The following RORA variants were observed in gnomAD, a reference collection of about 807,000 sequenced individuals.
The protein encoded by RORA is nuclear receptor ROR-alpha.
Under a neutral mutation model 69.5 loss-of-function variants are expected in RORA, and 7 were observed. The ratio of observed to expected loss-of-function variants is 0.10; its 90% CI spans 0.06 to 0.19. The LOEUF (loss-of-function observed/expected upper bound fraction) is 0.19, where lower values mean the gene tolerates loss of function less well. Among genes scored for constraint, RORA ranks in the 10% least tolerant of loss-of-function variants. The probability of loss-of-function intolerance (pLI) is 1.00; values close to 1 mark genes in which losing one functional copy is unlikely to be tolerated. For missense variants in RORA, 457 were observed against 663.0 expected (o/e 0.69, Z 3.41); for synonymous variants, 261 against 240.8 (o/e 1.08, Z -0.78).
chr15:60,592,678 G>C (rs2068567722), intron 2 of RORA: 1 of 1,072,292 alleles, frequency 9.3e-7, no homozygotes, highest in African/African-American at 1.7e-5. Context: ...CCCCAGCGCC[G>C]CGCCCCGCCC....
At chr15:60,781,612 G>A (rs1035154913) in intron 1 of RORA, among the ~76,000 whole-genome samples, 2 of 151,652 alleles carry the variant, frequency 1.3e-5, no homozygotes, top group Admixed American at 6.6e-5. Flanking sequence ...TCAGTGAGCC[G>A]AGTGCAAGCT....
chr15:60,888,135 C>T (rs1177129083), intron 1 of RORA, among the ~76,000 whole-genome samples: 1 of 152,242 alleles, frequency 6.6e-6, no homozygotes, highest in Non-Finnish European at 1.5e-5. Context: ...TACCCGGCCA[C>T]GGATGCTGTC....
intron 1 of RORA, among the ~76,000 whole-genome samples, chr15:60,853,510 G>A (rs1211257839): frequency 1.3e-5 from 2 of 152,286 alleles, no homozygotes; most frequent in African/African-American, 2.4e-5. Context: ...AATTGGGTGC[G>A]TAACAAATGG....
chr15:60,692,517 G>A (rs1032569376), intron 1 of RORA, among the ~76,000 whole-genome samples: 10 of 152,200 alleles, frequency 6.6e-5, no homozygotes, highest in Admixed American at 5.2e-4. Flanking sequence ...GAGAATGTGA[G>A]AGCACTGGGC....
chr15:61,049,118 C>T (rs1047284312), intron 1 of RORA, among the ~76,000 whole-genome samples: 4 of 152,142 alleles, frequency 2.6e-5, no homozygotes, highest in African/African-American at 7.2e-5. Flanking sequence ...TCAGTGTTTT[C>T]GGAAACTGCG....
At chr15:60,699,667 A>G (rs1449409532) in intron 1 of RORA, among the ~76,000 whole-genome samples, 1 of 152,186 alleles carries the variant, frequency 6.6e-6, no homozygotes, top group East Asian at 1.9e-4. Flanking sequence ...TAAAATGGGG[A>G]TTCTAATAAG....
chr15:61,161,658 A>G (rs1347185740), intron 1 of RORA, among the ~76,000 whole-genome samples: 7 of 140,194 alleles, frequency 5.0e-5, no homozygotes, highest in Non-Finnish European at 8.8e-5. Context: ...TAGAATCTCA[A>G]AAAAAAAGTT....
intron 1 of RORA, among the ~76,000 whole-genome samples, chr15:60,858,508 T>A (rs1016120061): frequency 3.3e-5 from 5 of 151,720 alleles, no homozygotes; most frequent in African/African-American, 1.2e-4. Context: ...AGTGATGAGC[T>A]CAGGCGGGAG....
intron 1 of RORA, among the ~76,000 whole-genome samples, chr15:61,065,668 G>A (rs748046405): frequency 3.3e-5 from 5 of 152,196 alleles, no homozygotes; most frequent in South Asian, 4.1e-4. Flanking sequence ...TTAAGGTGCC[G>A]TTTGATCTTG....
chr15:60,651,795 C>G (rs915622417), intron 2 of RORA, among the ~76,000 whole-genome samples: 4 of 152,164 alleles, frequency 2.6e-5, no homozygotes, highest in African/African-American at 9.7e-5. Flanking sequence ...CTTTAGCCAC[C>G]TAAATCTGAG....
intron 1 of RORA, among the ~76,000 whole-genome samples, chr15:61,115,151 T>C (rs963669843): frequency 1.3e-5 from 2 of 152,160 alleles, no homozygotes; most frequent in South Asian, 2.1e-4. Flanking sequence ...GTCTTGGGTC[T>C]GGTCCAGTGA....
chr15:60,700,343 T>G (rs750255269), intron 1 of RORA, among the ~76,000 whole-genome samples: 1 of 152,192 alleles, frequency 6.6e-6, no homozygotes, highest in Admixed American at 6.5e-5. Context: ...GTAGTTGACC[T>G]TCGATCCTGT....
chr15:61,078,150 G>C (rs973537011), intron 1 of RORA, among the ~76,000 whole-genome samples: 3 of 152,120 alleles, frequency 2.0e-5, no homozygotes, highest in Non-Finnish European at 4.4e-5. Flanking sequence ...CCACACTAAA[G>C]GCTTTATTTT....
At chr15:60,995,592 C>T (rs867620303) in intron 1 of RORA, among the ~76,000 whole-genome samples, 4 of 152,190 alleles carry the variant, frequency 2.6e-5, no homozygotes, top group Non-Finnish European at 5.9e-5. Flanking sequence ...TGTCCCCAGA[C>T]GTTTGAGCAC....
At chr15:60,927,202 T>A (rs551175136) in intron 1 of RORA, among the ~76,000 whole-genome samples, 25 of 152,234 alleles carry the variant, frequency 1.6e-4, no homozygotes, top group African/African-American at 6.0e-4. Context: ...TGTGGACCAG[T>A]TCCCTACTAG....
rs1255997958 is a variant in RORA, at chr15:60,497,630, A to C, written c.1408-11T>G. On this transcript the variant is annotated splice_polypyrimidine_tract_variant and intron_variant, in intron 10 of 10. Transcript: ENST00000335670. ...CACCTTGCATATTAACTGTAAGTGA[A>C]AGAAAGGACACACCGTCAGGCAAGA... is the stretch of plus-strand genomic sequence containing the variant. The C allele has an allele frequency of 6.2e-7, 1 of 1,605,728 alleles. No individual in the cohort carries two copies. The highest frequency in any genetic ancestry group is 2.2e-5 in the East Asian group (1 of 44,834).
intron 1 of RORA, among the ~76,000 whole-genome samples, chr15:61,034,158 G>T (rs1896331363): frequency 6.6e-6 from 1 of 152,124 alleles, no homozygotes; most frequent in Admixed American, 6.6e-5. Flanking sequence ...TCATACACAG[G>T]CTCTTTTTGT....
rs79657853 is a variant in RORA, at chr15:61,210,032, G to A, written c.166+19021C>T. On this transcript the variant is annotated intron_variant, in intron 1 of 10. Coordinates refer to ENST00000335670, the MANE Select transcript of RORA (RefSeq NM_134261.3). ...TCAGCCTTAAAGTGATGCCTGTCTC[G>A]AAACTGCTTCACTTTTCAGGTCTCT... Among the ~76,000 whole-genome samples, 765 of 152,284 alleles carry A rather than the reference G, an allele frequency of 5.0e-3. 3 individuals carry two copies. The highest frequency in any genetic ancestry group is 0.016 in the African/African-American group (685 of 41,564).
At chr15:60,939,539 G>A (rs946333811) in intron 1 of RORA, among the ~76,000 whole-genome samples, 7 of 152,204 alleles carry the variant, frequency 4.6e-5, no homozygotes, top group Non-Finnish European at 8.8e-5. Flanking sequence ...TTACCACTAT[G>A]CGACCTGGAG....
Sources: allele counts gnomAD v4.1 joint callset (sites outside exome capture counted in the v4.1 genomes callset), GRCh38; gene constraint gnomAD v4.1.1; transcripts MANE v1.5; gene names NCBI Gene and HGNC (gene_info 2026-07-23, HGNC 2026-07-21).